Variants in CCDC171 observed in about 807,000 individuals in gnomAD.
The protein encoded by CCDC171 is coiled-coil domain-containing protein 171.
Under a neutral mutation model 168.2 loss-of-function variants are expected in CCDC171, and 177 were observed. The ratio of observed to expected loss-of-function variants is 1.05; its 90% CI spans 0.93 to 1.19. CCDC171 has a LOEUF of 1.19. CCDC171 is among the 50% of genes most tolerant of loss of function. The pLI, the probability that CCDC171 is intolerant of heterozygous loss-of-function variation, is 0.00. For synonymous variants in CCDC171, 687 were observed against 540.8 expected, an observed-to-expected ratio of 1.27 and a Z score of -3.75; for missense variants, 1,991 against 1,539.0, an observed-to-expected ratio of 1.29 and a Z score of -4.91.
At chr9:15,764,358 G>A (rs2056610475) in intron 18 of CCDC171, among the ~76,000 whole-genome samples, 1 of 152,222 alleles carries the variant, frequency 6.6e-6, no homozygotes, top group African/African-American at 2.4e-5. Context: ...GGTAGTAAGG[G>A]TGCAGTGTTC....
chr9:15,885,423 A>G (rs916780949), intron 24 of CCDC171: 2 of 152,188 alleles, frequency 1.3e-5, no homozygotes, highest in African/African-American at 2.4e-5. Context: ...AACTAGAACT[A>G]TTATATCTTT....
intron 18 of CCDC171, among the ~76,000 whole-genome samples, chr9:15,775,355 T>A (rs1422820945): frequency 6.6e-6 from 1 of 152,176 alleles, no homozygotes; most frequent in Non-Finnish European, 1.5e-5. Flanking sequence ...AAACCTTATT[T>A]GTTTGTTTAT....
intron 3 of CCDC171, among the ~76,000 whole-genome samples, chr9:16,006,379 G>A (rs986302009): frequency 5.3e-5 from 8 of 152,118 alleles, no homozygotes; most frequent in African/African-American, 1.9e-4. Context: ...GTGTTTATGA[G>A]CTATTCGTAT....
chr9:15,729,551 A>G, intron 15 of CCDC171, 59 bp from the exon 16 acceptor site: 2 of 1,104,228 alleles, frequency 1.8e-6, no homozygotes, highest in South Asian at 4.4e-5. Flanking sequence ...ATTGGGGGAG[A>G]TGACACAAAG....
intron 11 of CCDC171, among the ~76,000 whole-genome samples, chr9:15,698,597 C>T (rs981547707): frequency 1.3e-5 from 2 of 151,722 alleles, no homozygotes; most frequent in Non-Finnish European, 2.9e-5. Flanking sequence ...ATAATGACCT[C>T]CAGTTTTATT....
chr9:15,554,761 G>A (rs372493188), intron 1 of CCDC171, among the ~76,000 whole-genome samples: 4 of 152,130 alleles, frequency 2.6e-5, no homozygotes, highest in African/African-American at 9.7e-5. Flanking sequence ...AGTGAAAGAG[G>A]ATGGACTTAG....
rs2050160904 is a variant in CCDC171, at chr9:15,683,286, C to T, written c.1215+4390C>T. On this transcript the variant is annotated intron_variant, in intron 10 of 25. Transcript: ENST00000380701. ...ACTGATTATATAATAGTAATGATTG[C>T]TAGCATTAAATATGATTTTGGAAAG... Among the ~76,000 whole-genome samples, 6 of 151,992 alleles carry T rather than the reference C, an allele frequency of 3.9e-5. No homozygotes were observed. In the South Asian group the frequency reaches 1.2e-3, roughly 31 times the overall value.
At chr9:15,989,417 C>G (rs1004265530) in intron 3 of CCDC171, among the ~76,000 whole-genome samples, 3 of 152,134 alleles carry the variant, frequency 2.0e-5, no homozygotes, top group East Asian at 3.9e-4. Flanking sequence ...CACACCAAAA[C>G]CACATCTGTA....
intron 11 of CCDC171, among the ~76,000 whole-genome samples, chr9:15,708,851 T>C (rs755756772): frequency 2.6e-5 from 4 of 152,212 alleles, no homozygotes; most frequent in Non-Finnish European, 5.9e-5. Context: ...GCTTCAGATA[T>C]TGATCTTAGA....
chr9:15,778,103 C>T (rs2057433254), intron 19 of CCDC171, among the ~76,000 whole-genome samples: 1 of 148,166 alleles, frequency 6.7e-6, no homozygotes, highest in Non-Finnish European at 1.5e-5. Context: ...CGAGACCATC[C>T]TGGCTAACAA....
intron 11 of CCDC171, among the ~76,000 whole-genome samples, chr9:15,713,891 T>G (rs1052508082): frequency 6.7e-6 from 1 of 148,318 alleles, no homozygotes. Context: ...AGAGCCAGAG[T>G]TGATATAGCT....
At chr9:15,862,513 A>T (rs1375406261) in intron 23 of CCDC171, among the ~76,000 whole-genome samples, 10 of 151,930 alleles carry the variant, frequency 6.6e-5, no homozygotes, top group Admixed American at 6.6e-4. Context: ...GATAATTAAT[A>T]TATCTCCATT....
chr9:15,881,613 C>A (rs1563930243), intron 24 of CCDC171, among the ~76,000 whole-genome samples: 2 of 152,184 alleles, frequency 1.3e-5, no homozygotes. Context: ...ATCAACTTCT[C>A]TTCATCCCCT....
At chr9:16,088,940 T>A in the CCDC171 span, among the ~76,000 whole-genome samples, 1 of 152,058 alleles carries the variant, frequency 6.6e-6, no homozygotes. Flanking sequence ...TGGAGGCATC[T>A]TGCTACCTGA....
chr9:16,066,716 G>A, the CCDC171 span, among the ~76,000 whole-genome samples: 1 of 148,590 alleles, frequency 6.7e-6, no homozygotes, highest in Admixed American at 6.7e-5. Flanking sequence ...GCGGTGTTTG[G>A]TTTTTTGTTC....
chr9:15,791,383 A>G (rs1223115254), intron 21 of CCDC171, among the ~76,000 whole-genome samples: 1 of 151,970 alleles, frequency 6.6e-6, no homozygotes. Flanking sequence ...TTCACTCATG[A>G]TTTGGCTCTG....
At position 15,868,170 on chromosome 9, in the gene CCDC171, G is replaced by A. The variant is rs148805714; in HGVS notation, c.3469-6362G>A. Among the ~76,000 whole-genome samples the A allele has an allele frequency of 5.7e-3, 871 of 152,098 alleles. 11 individuals are homozygous for A. The highest frequency in any genetic ancestry group is 0.02 in the African/African-American group (841 of 41,518). The stretch of plus-strand genomic sequence containing the variant: ...CTGGTGACAGCAGCTGGCAGTCATG[G>A]GAGAGTTCTGGCTTTGCTCCAGAGT... On this transcript the variant is annotated intron_variant, in intron 23 of 25. Transcript: ENST00000380701.
intron 21 of CCDC171, among the ~76,000 whole-genome samples, chr9:15,837,942 A>G (rs750419803): frequency 2.6e-5 from 4 of 152,204 alleles, no homozygotes; most frequent in Non-Finnish European, 5.9e-5. Flanking sequence ...ATAACCGAAA[A>G]CATTTTAAAA....
chr9:15,625,547 T>C (rs2132131462), intron 7 of CCDC171, among the ~76,000 whole-genome samples: 1 of 152,302 alleles, frequency 6.6e-6, no homozygotes, highest in East Asian at 1.9e-4. Context: ...CTAGCCAGTT[T>C]TCCCAGCACC....
Sources: allele counts gnomAD v4.1 joint callset (sites outside exome capture counted in the v4.1 genomes callset), GRCh38; gene constraint gnomAD v4.1.1; transcripts MANE v1.5; gene names NCBI Gene and HGNC (gene_info 2026-07-23, HGNC 2026-07-21).